Variants in KIF24 observed in about 807,000 individuals in gnomAD.
KIF24 encodes the protein kinesin-like protein KIF24.
In KIF24, 81 loss-of-function variants were observed where a neutral mutation model predicts 118.9. That is an observed-to-expected ratio of 0.68 (90% CI 0.57 to 0.82). KIF24 has a LOEUF of 0.82. Ranked by LOEUF, KIF24 falls within the 40% of genes least tolerant of loss-of-function variation. The probability of loss-of-function intolerance (pLI) is 0.00; values close to 1 mark genes in which losing one functional copy is unlikely to be tolerated. For missense variants in KIF24, 1,560 were observed against 1,661.6 expected (o/e 0.94, Z 1.06); for synonymous variants, 599 against 610.0 (o/e 0.98, Z 0.27).
chr9:34,326,586 A>C (rs1231824546), intron 1 of KIF24, among the ~76,000 whole-genome samples: 1 of 152,184 alleles, frequency 6.6e-6, no homozygotes, highest in Non-Finnish European at 1.5e-5. Context: ...CACTTATGTA[A>C]AAATCAGGAG....
chr9:34,262,976 C>G, intron 9 of KIF24, 125 bp downstream of exon 9: 1 of 701,084 alleles, frequency 1.4e-6, no homozygotes, highest in East Asian at 2.8e-5. Context: ...CTCTCCTTCT[C>G]TTTTCCCCAC....
intron 6 of KIF24, among the ~76,000 whole-genome samples, chr9:34,285,127 A>G (rs1433268387): frequency 1.3e-5 from 2 of 152,172 alleles, no homozygotes; most frequent in Non-Finnish European, 2.9e-5. Flanking sequence ...ATCTTCTTAC[A>G]TATTTCTGTA....
At chr9:34,332,449 C>T (rs1325892038), upstream of KIF24, among the ~76,000 whole-genome samples, 2 of 152,202 alleles carry the variant, frequency 1.3e-5, no homozygotes, top group East Asian at 1.9e-4. Flanking sequence ...GAAGTTGGTG[C>T]TTGGTAGTAT....
Position 34,290,484 on chromosome 9 carries a change from A to C in KIF24, c.912-95T>G. 4 of 723,732 alleles carry C rather than the reference A, an allele frequency of 5.5e-6. No homozygotes were observed. The South Asian group carries it at 8.4e-5, about 15-fold the overall frequency. 44.8% of individuals were successfully genotyped at this position (723,732 alleles called of 1,614,324 possible). ...TGACAAAGGTCAAATGTAAACATAG[A>C]ATCTTAGAGAAAATTCAGCTATAAA... On this transcript the variant is annotated intron_variant, in intron 4 of 12. Coordinates refer to ENST00000402558, the MANE Select transcript of KIF24 (RefSeq NM_194313.4).
rs1280018499 is a variant in KIF24 at position 34,253,182 on chromosome 9, C to T, written c.*1198G>A. On this transcript the variant is annotated 3_prime_UTR_variant, in exon 13 of 13. Transcript: ENST00000402558. ...AGTGTCTCAAGAGAGCCATTTAACC[C>T]TCTTCTTGGCCTTTTAATTAAGCCC... The T allele has an allele frequency of 6.6e-6, 1 of 152,242 alleles. No individual in the cohort carries two copies. The highest frequency in any genetic ancestry group is 2.4e-5 in the African/African-American group (1 of 41,454). 9.4% of individuals were successfully genotyped at this position (152,242 alleles called of 1,614,324 possible). A position where few individuals can be genotyped will look rare whatever the true frequency, so the allele number is the denominator to read the frequency against.
At chr9:34,293,846 T>C (rs1245944310) in intron 4 of KIF24, among the ~76,000 whole-genome samples, 1 of 152,226 alleles carries the variant, frequency 6.6e-6, no homozygotes, top group Non-Finnish European at 1.5e-5. Flanking sequence ...AATGAGATTA[T>C]TTAATACCCA....
At chr9:34,272,288 C>A (rs985217928) in intron 6 of KIF24, among the ~76,000 whole-genome samples, 2 of 152,154 alleles carry the variant, frequency 1.3e-5, no homozygotes, top group African/African-American at 4.8e-5. Context: ...TCTTAGTAAC[C>A]AAGGCAAAGG....
intron 2 of KIF24, among the ~76,000 whole-genome samples, chr9:34,306,743 A>C (rs569802279): frequency 6.6e-6 from 1 of 152,188 alleles, no homozygotes; most frequent in African/African-American, 2.4e-5. Context: ...CAGAGCTTGC[A>C]GTGAGCCGAG....
intron 12 of KIF24, among the ~76,000 whole-genome samples, chr9:34,254,842 G>A (rs190004359): frequency 6.6e-6 from 1 of 152,280 alleles, no homozygotes; most frequent in Admixed American, 6.5e-5. Context: ...TGAGGATAGA[G>A]GCTGGAAACA....
At chr9:34,317,614 C>A (rs1385785005) in intron 1 of KIF24, among the ~76,000 whole-genome samples, 1 of 152,176 alleles carries the variant, frequency 6.6e-6, no homozygotes, top group Non-Finnish European at 1.5e-5. Flanking sequence ...AATACTGGCT[C>A]CCCTTTCCTG....
intron 3 of KIF24, among the ~76,000 whole-genome samples, chr9:34,297,928 C>T (rs2890546): frequency 1.3e-5 from 2 of 151,370 alleles, no homozygotes; most frequent in Non-Finnish European, 2.9e-5. Flanking sequence ...CTAGCATTTC[C>T]CTATCTTACC....
At position 34,257,423 on chromosome 9, in the gene KIF24, G is replaced by T; in HGVS notation, c.2184C>A (p.His728Gln). The T allele has an allele frequency of 6.2e-7, 1 of 1,614,064 alleles. No individual in the cohort carries two copies. Among genetic ancestry groups the T allele is most frequent in the Non-Finnish European group, 8.5e-7 (1 of 1,179,898 alleles). Residue 728 changes from histidine (H) to glutamine (Q), a missense_variant, in exon 11 of 13, where the codon CAC becomes CAA. Physicochemically the swap from His to Gln is conservative, Grantham distance 24. Coordinates refer to ENST00000402558, the MANE Select transcript of KIF24 (RefSeq NM_194313.4). ...TGTCTTGACTGTACTCAGCCCTGTGGTGGGCGTTGCCAAAGGAGAGCTCAA... is the reference window on the plus strand; with the variant it reads ...TGTCTTGACTGTACTCAGCCCTGTGTTGGGCGTTGCCAAAGGAGAGCTCAA... Reference protein sequence around the residue: ...SRVELSFGNAHHRAEYSQDSQ... With the variant: ...SRVELSFGNAQHRAEYSQDSQ...
chr9:34,255,526 T>C (rs1834792182), intron 11 of KIF24, among the ~76,000 whole-genome samples: 2 of 152,218 alleles, frequency 1.3e-5, no homozygotes, highest in African/African-American at 4.8e-5. Context: ...ACTGGCATAC[T>C]TGGCACAAGA....
intron 3 of KIF24, among the ~76,000 whole-genome samples, chr9:34,303,869 T>C (rs1410109087): frequency 5.9e-5 from 9 of 152,068 alleles, no homozygotes; most frequent in South Asian, 2.1e-4. Flanking sequence ...ACAAAAACCA[T>C]TGGTCCATAG....
At chr9:34,317,255 T>C (rs1030774083) in intron 1 of KIF24, among the ~76,000 whole-genome samples, 12 of 150,112 alleles carry the variant, frequency 8.0e-5, no homozygotes, top group African/African-American at 2.7e-4. Context: ...CCAGGCATGG[T>C]GGCACGCGCC....
chr9:34,313,750 T>TG (rs1837246654), intron 1 of KIF24, among the ~76,000 whole-genome samples: 15 of 147,844 alleles, frequency 1.0e-4, no homozygotes, highest in South Asian at 2.2e-4. Flanking sequence ...TTTTTTTTTT[T>TG]TGTTTTTTTT....
intron 4 of KIF24, among the ~76,000 whole-genome samples, chr9:34,294,987 G>A (rs1486488916): frequency 6.6e-6 from 1 of 152,110 alleles, no homozygotes; most frequent in Non-Finnish European, 1.5e-5. Context: ...TAAGATCTGT[G>A]CATCTTATTG....
In KIF24 at chr9:34,263,084, C is replaced by CTCACATTTAACTTTACCTGAGTTAGT. The variant is rs1462414848; in HGVS notation, c.1506_1515+16dup. On this transcript the variant is annotated intron_variant, in intron 9 of 12. Transcript: ENST00000402558. ...GGAATGAATCAGAACAAACTCAAGG[C>CTCACATTTAACTTTACCTGAGTTAGT]TCACATTTAACTTTACCTGAGTTAG... The CTCACATTTAACTTTACCTGAGTTAGT allele has an allele frequency of 6.3e-7, 1 of 1,592,800 alleles. No individual in the cohort carries two copies. Among genetic ancestry groups the CTCACATTTAACTTTACCTGAGTTAGT allele is most frequent in the Non-Finnish European group, 8.6e-7 (1 of 1,161,890 alleles).
intron 12 of KIF24, 34 bp from the exon 13 acceptor site, chr9:34,254,554 G>A (rs370154477): frequency 3.2e-5 from 52 of 1,601,420 alleles, no homozygotes; most frequent in Middle Eastern, 3.3e-4. Context: ...TACAGCTTTT[G>A]CTCTTGCTGG....
Sources: gnomAD v4.1 joint callset for allele counts (sites outside exome capture counted in the v4.1 genomes callset) on GRCh38, gnomAD v4.1.1 for gene constraint, MANE v1.5 for transcripts, NCBI Gene and HGNC (gene_info 2026-07-23, HGNC 2026-07-21) for gene names.